Variants in RASA2 observed in about 807,000 individuals in gnomAD.
RASA2 encodes the protein ras GTPase-activating protein 2.
Under a neutral mutation model 118.2 loss-of-function variants are expected in RASA2, and 155 were observed. The ratio of observed to expected loss-of-function variants is 1.31; its 90% CI spans 1.15 to 1.50. RASA2 has a LOEUF of 1.50. Ranked by LOEUF, RASA2 falls within the 40% of genes most tolerant of loss-of-function variation. The pLI, the probability that RASA2 is intolerant of heterozygous loss-of-function variation, is 0.00. For missense variants in RASA2, 1,016 were observed against 1,009.6 expected, an observed-to-expected ratio of 1.01 and a Z score of -0.09; for synonymous variants, 353 against 349.1, an observed-to-expected ratio of 1.01 and a Z score of -0.12.
In RASA2 at chr3:141,528,537, C is replaced by CT. The variant is rs1464714686; in HGVS notation, c.356-1164dup. ...TGTTTGAAATTATTTCAAAATACAT[C>CT]TTTTTTTCTTTTTTCCAGCACTAAT... On this transcript the variant is annotated intron_variant, in intron 3 of 23. Coordinates refer to ENST00000286364, the MANE Select transcript of RASA2 (RefSeq NM_006506.5). Among the ~76,000 whole-genome samples, 15 of 151,804 alleles carry CT rather than the reference C, an allele frequency of 9.9e-5. No individual in the cohort carries two copies. In the South Asian group the frequency reaches 3.1e-3, roughly 31 times the overall value.
At chr3:141,489,359 C>T (rs1163601496) in intron 1 of RASA2, among the ~76,000 whole-genome samples, 1 of 152,102 alleles carries the variant, frequency 6.6e-6, no homozygotes, top group Non-Finnish European at 1.5e-5. Flanking sequence ...TTTCTGTTTC[C>T]CTGAAACTAA....
chr3:141,506,856 C>T (rs1247818431), intron 1 of RASA2, among the ~76,000 whole-genome samples: 1 of 147,532 alleles, frequency 6.8e-6, no homozygotes, highest in Non-Finnish European at 1.5e-5. Flanking sequence ...GGCGAGGCTG[C>T]AGTGAGCCAT....
intron 17 of RASA2, among the ~76,000 whole-genome samples, chr3:141,584,513 T>C (rs562429593): frequency 4.5e-4 from 68 of 152,276 alleles, no homozygotes; most frequent in Non-Finnish European, 7.1e-4. Flanking sequence ...ATAAATTTTC[T>C]TGATGGGAAG....
chr3:141,572,057 TATATACAC>T lies in RASA2; in HGVS notation c.1169+505_1169+512del, dbSNP rs1451606487. ...ATATATATATATATATATATATATA[TATATACAC>T]ACACACACACACATATGTATTGAGT... is the stretch of plus-strand genomic sequence containing the variant. On this transcript the variant is annotated intron_variant, in intron 11 of 23. Transcript: ENST00000286364. Among the ~76,000 whole-genome samples, 558 of 126,334 alleles carry T rather than the reference TATATACAC, an allele frequency of 4.4e-3. 3 individuals are homozygous for T. Among genetic ancestry groups the T allele is most frequent in the African/African-American group, 0.021 (527 of 24,984 alleles). The allele number at this position is 126,334 out of a possible 152,430, so 82.9% of individuals were successfully genotyped here.
intron 6 of RASA2, 100 bp from the exon 7 acceptor site, chr3:141,555,740 A>T (rs1392748178): frequency 3.1e-6 from 3 of 959,350 alleles, no homozygotes; most frequent in African/African-American, 1.7e-5. Flanking sequence ...GAGTCACCTT[A>T]ACTTTTAAAT....
At chr3:141,534,766 T>A (rs1182526815) in intron 4 of RASA2, among the ~76,000 whole-genome samples, 1 of 151,406 alleles carries the variant, frequency 6.6e-6, no homozygotes, top group East Asian at 1.9e-4. Flanking sequence ...AACTTCATTT[T>A]AAATTTTTAT....
rs115049855 is a variant in RASA2, at chr3:141,499,918, C to T, written c.134-12245C>T. ...TGTTGTTTTTTTAAAGATTACCAAT[C>T]GAGTGGGATTATAGACTCTTGGATT... On this transcript the variant is annotated intron_variant, in intron 1 of 23. Transcript: ENST00000286364. 3.7e-3 allele frequency among the ~76,000 whole-genome samples: 568 copies of T among 152,180 alleles called. 6 individuals are homozygous for T. The East Asian group carries it at 0.047, about 13-fold the overall frequency.
chr3:141,572,166 A>G (rs1278586547), intron 11 of RASA2, among the ~76,000 whole-genome samples: 2 of 151,262 alleles, frequency 1.3e-5, no homozygotes, highest in Non-Finnish European at 2.9e-5. Flanking sequence ...ATCTTGGCTC[A>G]CTGCAGCTTC....
At chr3:141,537,590 G>A (rs1359808387) in intron 4 of RASA2, among the ~76,000 whole-genome samples, 1 of 152,122 alleles carries the variant, frequency 6.6e-6, no homozygotes, top group East Asian at 1.9e-4. Flanking sequence ...CCAACATGGT[G>A]AAACCGTGTC....
intron 9 of RASA2, among the ~76,000 whole-genome samples, chr3:141,565,620 C>T (rs1016533995): frequency 2.6e-5 from 4 of 152,140 alleles, no homozygotes; most frequent in East Asian, 1.9e-4. Context: ...TCTTGCCTGC[C>T]GCATGTAAGA....
At position 141,574,479 on chromosome 3, in the gene RASA2, C is replaced by T. The variant is rs551937499; in HGVS notation, c.1483+412C>T. 2.0e-5 allele frequency among the ~76,000 whole-genome samples: 3 copies of T among 152,286 alleles called. No individual in the cohort carries two copies. In the South Asian group the frequency reaches 6.2e-4, roughly 32 times the overall value. On this transcript the variant is annotated intron_variant, in intron 14 of 23. Transcript: ENST00000286364. Reference sequence around the variant, plus strand: ...TTCTGGGATTACAGGCGTGAGCCACCACGCCCAGCCTAAGGTTTTTAAGTA... The same window carrying T: ...TTCTGGGATTACAGGCGTGAGCCACTACGCCCAGCCTAAGGTTTTTAAGTA...
intron 1 of RASA2, among the ~76,000 whole-genome samples, chr3:141,489,770 T>C (rs1445908329): frequency 6.6e-6 from 1 of 152,186 alleles, no homozygotes; most frequent in East Asian, 1.9e-4. Context: ...TCTTTAGGGA[T>C]TTCATTCCTG....
intron 1 of RASA2, 39 bp from the exon 2 acceptor site, chr3:141,512,124 G>A (rs2081960418): frequency 7.3e-7 from 1 of 1,374,996 alleles, no homozygotes; most frequent in African/African-American, 1.4e-5. Context: ...TGAAGCAGTT[G>A]ATGATATTTA....
chr3:141,554,853 G>A lies in RASA2; in HGVS notation c.611+913G>A, dbSNP rs116129164. On this transcript the variant is annotated intron_variant, in intron 6 of 23. Coordinates refer to ENST00000286364, the MANE Select transcript of RASA2 (RefSeq NM_006506.5). Reference sequence around the variant, plus strand: ...AATGCTATTAGAGAGATTTATTTTTGTGTGTTAAAAATGTTCAATCTAGTG... The same window carrying A: ...AATGCTATTAGAGAGATTTATTTTTATGTGTTAAAAATGTTCAATCTAGTG... Among the ~76,000 whole-genome samples the A allele has an allele frequency of 8.6e-3, 1,303 of 152,170 alleles. 20 individuals carry two copies. The highest frequency in any genetic ancestry group is 0.025 in the African/African-American group (1,046 of 41,496).
At chr3:141,546,988 A>G (rs1383264254) in intron 5 of RASA2, among the ~76,000 whole-genome samples, 1 of 152,076 alleles carries the variant, frequency 6.6e-6, no homozygotes, top group Admixed American at 6.5e-5. Context: ...TGGCACCTTT[A>G]TTAAAAATGA....
At chr3:141,512,557 C>T (rs775210338) in intron 2 of RASA2, among the ~76,000 whole-genome samples, 3 of 152,140 alleles carry the variant, frequency 2.0e-5, no homozygotes, top group African/African-American at 4.8e-5. Context: ...GAATAAGTTA[C>T]TTAAAGTTCA....
Position 141,607,725 on chromosome 3 carries a change from GA to G in RASA2, c.1986del (p.Lys662AsnfsTer15). Reference protein sequence around the residue: ...TIPVKNILAVEKLEESSFNKK... With the variant: ...TIPVKNILAVXKLEESSFNKK... ...CCCAGTAAAAAACATTCTTGCTGTG[GA>G]AAAACTGGAAGAGAGCTCTTTCAAC... On this transcript the variant is annotated frameshift_variant, in exon 20 of 24. Coordinates refer to ENST00000286364, the MANE Select transcript of RASA2 (RefSeq NM_006506.5). LOFTEE classifies it high-confidence loss of function. 6.2e-7 allele frequency: 1 copy of G among 1,600,576 alleles called. No individual in the cohort carries two copies. Among genetic ancestry groups the G allele is most frequent in the Non-Finnish European group, 8.5e-7 (1 of 1,174,748 alleles).
At chr3:141,505,262 A>G (rs971003624) in intron 1 of RASA2, among the ~76,000 whole-genome samples, 12 of 152,234 alleles carry the variant, frequency 7.9e-5, no homozygotes, top group Non-Finnish European at 1.5e-5. Context: ...ATTCACTGTT[A>G]TATCCCCAGC....
chr3:141,489,141 T>C (rs1040459892), intron 1 of RASA2, among the ~76,000 whole-genome samples: 7 of 152,244 alleles, frequency 4.6e-5, no homozygotes, highest in African/African-American at 1.7e-4. Flanking sequence ...TTAACCACAG[T>C]TGAAGTATTC....
Sources: allele counts gnomAD v4.1 joint callset (sites outside exome capture counted in the v4.1 genomes callset), GRCh38; gene constraint gnomAD v4.1.1; transcripts MANE v1.5; gene names NCBI Gene and HGNC (gene_info 2026-07-23, HGNC 2026-07-21).